GTPBP4: variants seen among roughly 807,000 people sequenced by gnomAD.
GTPBP4 encodes the protein GTP-binding protein 4.
Under a neutral mutation model 81.7 loss-of-function variants are expected in GTPBP4, and 15 were observed. That is an observed-to-expected ratio of 0.18 (90% CI 0.12 to 0.28). GTPBP4 has a LOEUF of 0.28. GTPBP4 is among the 10% of genes least tolerant of loss of function. The pLI is 1.00. For missense variants in GTPBP4, 847 were observed against 793.8 expected (o/e 1.07, Z -0.81); for synonymous variants, 272 against 274.6 (o/e 0.99, Z 0.09).
At chr10:996,314 G>T (rs1437681510) in intron 4 of GTPBP4, 72 bp downstream of exon 4, 1 of 1,360,948 alleles carries the variant, frequency 7.3e-7, no homozygotes, top group African/African-American at 1.5e-5. Flanking sequence ...GAGGACTTGA[G>T]ATGTCTGTTT....
chr10:1,011,897 C>T (rs1004609032), intron 13 of GTPBP4, among the ~76,000 whole-genome samples: 5 of 152,334 alleles, frequency 3.3e-5, no homozygotes, highest in African/African-American at 4.8e-5. Context: ...CAGCTGTGCC[C>T]GTGCCATCCC....
chr10:1,017,359 C>A lies in GTPBP4; in HGVS notation c.*132C>A. ...AATAAGTAAAGCACTTGTTGCTTTG[C>A]TGAAAACTATGGTTAACCCTATATA... On this transcript the variant is annotated 3_prime_UTR_variant, in exon 17 of 17. Transcript: ENST00000360803. The A allele has an allele frequency of 2.3e-6, 2 of 863,164 alleles. No individual in the cohort carries two copies. The highest frequency in any genetic ancestry group is 3.6e-6 in the Non-Finnish European group (2 of 552,256). 53.5% of individuals were successfully genotyped at this position (863,164 alleles called of 1,614,324 possible).
intron 12 of GTPBP4, 71 bp from the exon 13 acceptor site, chr10:1,010,349 C>CA: frequency 2.6e-6 from 2 of 774,888 alleles, no homozygotes; most frequent in African/African-American, 1.7e-5. Flanking sequence ...AGTCACAACT[C>CA]ATTTTGCGCA....
Position 1,019,251 on chromosome 10 carries a change from A to G in GTPBP4, c.*2024A>G, listed in dbSNP as rs17221491. On this transcript the variant is annotated 3_prime_UTR_variant, in exon 17 of 17. Transcript: ENST00000360803. Reference sequence around the variant, plus strand: ...CTTTCAGGATCAGCTGCTGTTAATCAAACAAGTGCTTATAAAATGGAAATT... The same window carrying G: ...CTTTCAGGATCAGCTGCTGTTAATCGAACAAGTGCTTATAAAATGGAAATT... 57,364 of 363,500 alleles carry G rather than the reference A, an allele frequency of 0.16. 5,456 individuals are homozygous for G. The highest frequency in any genetic ancestry group is 0.21 in the Non-Finnish European group (42,304 of 200,170). The allele number at this position is 363,500 out of a possible 1,614,324, so 22.5% of individuals were successfully genotyped here.
intron 14 of GTPBP4, among the ~76,000 whole-genome samples, chr10:1,012,935 A>C (rs1285636680): frequency 6.6e-6 from 1 of 152,164 alleles, no homozygotes; most frequent in Non-Finnish European, 1.5e-5. Context: ...CTTATGGTTC[A>C]CAGACGTTCA....
At chr10:991,972 G>A (rs1460920825) in intron 1 of GTPBP4, among the ~76,000 whole-genome samples, 1 of 150,732 alleles carries the variant, frequency 6.6e-6, no homozygotes, top group African/African-American at 2.4e-5. Context: ...TGGGATTACA[G>A]GCGTGAGCCA....
At position 1,007,019 on chromosome 10, in the gene GTPBP4, C is replaced by T. The variant is rs1364313877; in HGVS notation, c.1004C>T (p.Ala335Val). The T allele has an allele frequency of 5.6e-6, 9 of 1,599,038 alleles. No individual in the cohort carries two copies. Among genetic ancestry groups the T allele is most frequent in the Non-Finnish European group, 7.7e-6 (9 of 1,166,440 alleles). Residue 335 changes from alanine (A) to valine (V), a missense_variant and splice_region_variant, in exon 10 of 17, where the codon GCT becomes GTT. By Grantham distance (64) the Ala-to-Val change is moderately conservative (BLOSUM62 0). This residue lies in a region of GTPBP4 where 600 missense variants were observed against 557.1 expected (regional missense o/e 1.08). Coordinates refer to ENST00000360803, the MANE Select transcript of GTPBP4 (RefSeq NM_012341.3). ...GTGCCTTCTTTTTTACGTTATTAGG[C>T]TTGCGATAGGCTTTTGGCTCATCGA... The part of the protein sequence containing the change: ...EEGVIKVKTE[A>V]CDRLLAHRVE...
chr10:1,007,116 G>A lies in GTPBP4; in HGVS notation c.1101G>A (p.Arg367=). The part of the protein sequence containing the change: ...LNRLHLAIPT[R]RDDKERPPFI... ...GACTGCACCTGGCTATCCCAACCAGGAGGGACGATAAGGTAAGACGGCCCC... is the reference window on the plus strand; with the variant it reads ...GACTGCACCTGGCTATCCCAACCAGAAGGGACGATAAGGTAAGACGGCCCC... Residue 367 remains arginine, a synonymous_variant, in exon 10 of 17, where the codon AGG becomes AGA. Transcript: ENST00000360803. 6.3e-7 allele frequency: 1 copy of A among 1,589,076 alleles called. No homozygotes were observed. Among genetic ancestry groups the A allele is most frequent in the Non-Finnish European group, 8.6e-7 (1 of 1,157,036 alleles).
chr10:1,007,151 C>A, intron 10 of GTPBP4, 23 bp downstream of exon 10: 3 of 1,310,466 alleles, frequency 2.3e-6, no homozygotes, highest in South Asian at 2.4e-5. Flanking sequence ...CTGGGACAGC[C>A]GTGGGCTCAC....
At chr10:1,003,979 T>C (rs575439183) in intron 8 of GTPBP4, among the ~76,000 whole-genome samples, 5 of 152,220 alleles carry the variant, frequency 3.3e-5, no homozygotes, top group African/African-American at 1.2e-4. Context: ...GGTGGATCTC[T>C]GATCCTGAAG....
chr10:1,000,715 G>A lies in GTPBP4; in HGVS notation c.693G>A (p.Glu231=), dbSNP rs1413806787. The A allele has an allele frequency of 6.4e-7, 1 of 1,567,028 alleles. No homozygotes were observed. Among genetic ancestry groups the A allele is most frequent in the Admixed American group, 1.9e-5 (1 of 53,390 alleles). The change falls in exon 7 of 17, where the codon GAG becomes GAA. Residue 231 remains glutamate (E), a synonymous_variant. Coordinates refer to ENST00000360803, the MANE Select transcript of GTPBP4 (RefSeq NM_012341.3). ...DTPGILDHPL[E]DRNTIEMQAI... Reference sequence around the variant, plus strand: ...CTGGGATCCTGGACCACCCTCTGGAGGATAGGAACACCATCGAGATGCAGG... The same window carrying A: ...CTGGGATCCTGGACCACCCTCTGGAAGATAGGAACACCATCGAGATGCAGG...
At chr10:1,009,725 C>A in intron 12 of GTPBP4, 145 bp downstream of exon 12, 1 of 656,178 alleles carries the variant, frequency 1.5e-6, no homozygotes, top group East Asian at 2.7e-5. Context: ...AAGTTGCATC[C>A]TGAGGGCCAG....
chr10:1,000,235 C>CTTTTT (rs11331615), intron 6 of GTPBP4, among the ~76,000 whole-genome samples: 26 of 49,260 alleles, frequency 5.3e-4, no homozygotes, highest in South Asian at 2.2e-3. Context: ...GGGAGACCTA[C>CTTTTT]TTTTTTTTTT....
intron 13 of GTPBP4, among the ~76,000 whole-genome samples, chr10:1,010,929 C>T (rs576069955): frequency 2.8e-4 from 42 of 149,992 alleles, no homozygotes; most frequent in African/African-American, 9.6e-4. Flanking sequence ...CACCCCGAGA[C>T]TCTGGTGGAG....
Position 996,085 on chromosome 10 carries a change from AAT to A in GTPBP4, c.324-18_324-17del, listed in dbSNP as rs779629907. ...TTAAGTTATCGAAAGTGGAAAAAAT[AAT>A]ATTTTTTATTTTTTACAGTGTTGCT... On this transcript the variant is annotated intron_variant, in intron 3 of 16. Transcript: ENST00000360803. 3.5e-5 allele frequency: 56 copies of A among 1,588,638 alleles called. No homozygotes were observed. The highest frequency in any genetic ancestry group is 2.8e-5 in the Non-Finnish European group (33 of 1,162,378).
At chr10:996,630 G>A (rs549682808) in intron 4 of GTPBP4, 122 of 160,998 alleles carry the variant, frequency 7.6e-4, no homozygotes, top group African/African-American at 2.5e-3. Flanking sequence ...CTTGCTTATT[G>A]TGTGTATTCT....
intron 2 of GTPBP4, 71 bp from the exon 3 acceptor site, chr10:995,858 T>C: frequency 1.2e-6 from 1 of 858,102 alleles, no homozygotes. Context: ...GGGAAAGAAA[T>C]TGTTCTTCAA....
intron 10 of GTPBP4, 41 bp downstream of exon 10, chr10:1,007,169 T>C (rs777300451): frequency 1.8e-6 from 2 of 1,086,638 alleles, no homozygotes; most frequent in Non-Finnish European, 2.9e-6. Flanking sequence ...CACAGTACTG[T>C]CAGCAGGTGC....
chr10:994,764 A>G (rs973655458), intron 2 of GTPBP4, among the ~76,000 whole-genome samples: 6 of 152,228 alleles, frequency 3.9e-5, no homozygotes, highest in African/African-American at 1.2e-4. Context: ...TTTTAAAGCC[A>G]GGACTAGTTA....
Sources: gnomAD v4.1 joint callset for allele counts (sites outside exome capture counted in the v4.1 genomes callset) on GRCh38, gnomAD v4.1.1 for gene constraint, gnomAD v4.1.1 regional missense constraint, MANE v1.5 for transcripts, NCBI Gene and HGNC (gene_info 2026-07-23, HGNC 2026-07-21) for gene names.